The following SBF2 variants were observed in gnomAD, a reference collection of about 807,000 sequenced individuals.
The protein encoded by SBF2 is SET binding factor 2.
SBF2 carries 112 observed loss-of-function variants against 225.2 expected under a neutral mutation model. The observed-to-expected ratio is 0.50, with a 90% CI of 0.43 to 0.58. The LOEUF is 0.58. Among genes scored for constraint, SBF2 ranks in the 20% least tolerant of loss-of-function variants. The probability of loss-of-function intolerance (pLI) is 0.00; values close to 1 mark genes in which losing one functional copy is unlikely to be tolerated. For missense variants in SBF2, 1,996 were observed against 2,206.2 expected (o/e 0.90, Z 1.91); for synonymous variants, 763 against 773.3 (o/e 0.99, Z 0.22).
chr11:9,889,889 C>CTATT (rs961403580), intron 17 of SBF2, among the ~76,000 whole-genome samples: 5 of 152,096 alleles, frequency 3.3e-5, no homozygotes, highest in South Asian at 2.1e-4. Context: ...AATGTTCTAC[C>CTATT]TATTTATTTA....
intron 2 of SBF2, among the ~76,000 whole-genome samples, chr11:10,113,967 C>G (rs1459334941): frequency 6.6e-6 from 1 of 151,510 alleles, no homozygotes; most frequent in Non-Finnish European, 1.5e-5. Flanking sequence ...AAAATCTCAA[C>G]AGGTACCCTT....
At chr11:9,935,842 A>C (rs1864857585) in intron 16 of SBF2, among the ~76,000 whole-genome samples, 1 of 152,192 alleles carries the variant, frequency 6.6e-6, no homozygotes, top group Non-Finnish European at 1.5e-5. Context: ...TAGACCTAAA[A>C]CCATAAAAAC....
At chr11:10,101,287 C>A (rs1047656824) in intron 2 of SBF2, among the ~76,000 whole-genome samples, 16 of 152,146 alleles carry the variant, frequency 1.1e-4, no homozygotes, top group African/African-American at 3.6e-4. Flanking sequence ...GCAACAGGGA[C>A]CAACAGGAGA....
chr11:10,012,355 C>T (rs963615357), intron 6 of SBF2, among the ~76,000 whole-genome samples: 5 of 152,064 alleles, frequency 3.3e-5, no homozygotes, highest in Non-Finnish European at 7.4e-5. Context: ...TTTCTCAGGC[C>T]GGTCCTGAAC....
chr11:9,822,354 G>A (rs1436826068), intron 28 of SBF2, among the ~76,000 whole-genome samples: 3 of 148,702 alleles, frequency 2.0e-5, no homozygotes, highest in Admixed American at 6.8e-5. Context: ...TCCGCCTCCC[G>A]GGTTCAAGCC....
chr11:10,185,803 A>T (rs1005789357), intron 2 of SBF2, among the ~76,000 whole-genome samples: 1 of 152,088 alleles, frequency 6.6e-6, no homozygotes, highest in Admixed American at 6.6e-5. Flanking sequence ...CGCTAATTCA[A>T]CGAGTCCCCA....
chr11:10,072,735 T>TTTA (rs1555011622), intron 2 of SBF2, among the ~76,000 whole-genome samples: 3 of 120,034 alleles, frequency 2.5e-5, no homozygotes, highest in Non-Finnish European at 5.3e-5. Flanking sequence ...TTTTTTTTTC[T>TTTA]TTTTTTTTTT....
intron 2 of SBF2, among the ~76,000 whole-genome samples, chr11:10,058,652 G>A (rs557835204): frequency 6.6e-6 from 1 of 152,034 alleles, no homozygotes; most frequent in Non-Finnish European, 1.5e-5. Context: ...GTCAAATTAA[G>A]GAAATACAGA....
chr11:10,135,483 C>T (rs181274061), intron 2 of SBF2, among the ~76,000 whole-genome samples: 20 of 152,302 alleles, frequency 1.3e-4, no homozygotes, highest in Admixed American at 4.6e-4. Context: ...ATCATCTGAA[C>T]GTTTATGCTC....
In SBF2 at chr11:10,212,553, T is replaced by C. The variant is rs115738489; in HGVS notation, c.56-18566A>G. ...AAGGAGTTCTAGATTTGTAAAGTGA[T>C]AAATCTATAGGTATTAGACATTATG... On this transcript the variant is annotated intron_variant, in intron 1 of 39. Coordinates refer to ENST00000256190, the MANE Select transcript of SBF2 (RefSeq NM_030962.4). Among the ~76,000 whole-genome samples the C allele has an allele frequency of 6.0e-3, 910 of 152,326 alleles. 14 individuals are homozygous for C. The highest frequency in any genetic ancestry group is 0.02 in the African/African-American group (826 of 41,574).
intron 17 of SBF2, among the ~76,000 whole-genome samples, chr11:9,887,819 T>C (rs529157545): frequency 6.6e-6 from 1 of 152,190 alleles, no homozygotes; most frequent in Admixed American, 6.5e-5. Flanking sequence ...TCTTTTTTTT[T>C]TGTGGTCAAA....
chr11:9,980,288 TTAA>T (rs1346573415), intron 13 of SBF2, among the ~76,000 whole-genome samples: 33 of 97,052 alleles, frequency 3.4e-4, no homozygotes, highest in African/African-American at 1.3e-3. Context: ...CCTCTTGTAA[TTAA>T]AAAAAAAAAA....
intron 17 of SBF2, among the ~76,000 whole-genome samples, chr11:9,871,792 G>C (rs1475609228): frequency 6.6e-6 from 1 of 151,944 alleles, no homozygotes; most frequent in Non-Finnish European, 1.5e-5. Context: ...TGCCCGGCCA[G>C]GATGATAATT....
At chr11:10,200,071 T>C (rs1565348226) in intron 1 of SBF2, among the ~76,000 whole-genome samples, 2 of 152,086 alleles carry the variant, frequency 1.3e-5, no homozygotes, top group Non-Finnish European at 2.9e-5. Context: ...AAAATTAACA[T>C]TTATCTGCGT....
intron 16 of SBF2, among the ~76,000 whole-genome samples, chr11:9,900,785 G>C (rs1437627794): frequency 6.6e-6 from 1 of 152,100 alleles, no homozygotes; most frequent in Non-Finnish European, 1.5e-5. Context: ...TGTTGCCTAG[G>C]CTGTGCAGTG....
chr11:10,280,180 A>G (rs1319106989), intron 1 of SBF2, among the ~76,000 whole-genome samples: 1 of 152,216 alleles, frequency 6.6e-6, no homozygotes, highest in African/African-American at 2.4e-5. Context: ...AGAGTATTTC[A>G]GATTTTCAGA....
At chr11:9,941,119 G>A (rs1267601788) in intron 16 of SBF2, among the ~76,000 whole-genome samples, 5 of 152,042 alleles carry the variant, frequency 3.3e-5, no homozygotes, top group African/African-American at 2.4e-5. Flanking sequence ...AAACCAGCCT[G>A]AGCAATAAAG....
intron 16 of SBF2, among the ~76,000 whole-genome samples, chr11:9,938,400 G>A (rs1324308433): frequency 1.3e-5 from 2 of 148,554 alleles, no homozygotes; most frequent in African/African-American, 2.5e-5. Context: ...TTTTTTTTTC[G>A]GGGAACTGAA....
intron 17 of SBF2, among the ~76,000 whole-genome samples, chr11:9,881,924 G>C (rs1859795750): frequency 6.6e-6 from 1 of 152,092 alleles, no homozygotes; most frequent in Non-Finnish European, 1.5e-5. Context: ...GGAGTTTGAG[G>C]CTGCAGTGAG....
Sources: allele counts gnomAD v4.1 joint callset (sites outside exome capture counted in the v4.1 genomes callset), GRCh38; gene constraint gnomAD v4.1.1; transcripts MANE v1.5; gene names NCBI Gene and HGNC (gene_info 2026-07-23, HGNC 2026-07-21).